WDR72: variants seen among roughly 807,000 people sequenced by gnomAD.
WDR72 encodes WD repeat domain 72, also known as WD repeat-containing protein 72.
A neutral mutation model predicts 124.2 loss-of-function variants in WDR72; 120 were observed. That is an observed-to-expected ratio of 0.97 (90% CI 0.83 to 1.12). The LOEUF (loss-of-function observed/expected upper bound fraction) is 1.12, where lower values mean the gene tolerates loss of function less well. WDR72 is among the 50% of genes most tolerant of loss of function. WDR72 has a pLI of 0.00. For missense variants in WDR72, 1,387 were observed against 1,278.8 expected, an observed-to-expected ratio of 1.08 and a Z score of -1.29; for synonymous variants, 452 against 441.7, an observed-to-expected ratio of 1.02 and a Z score of -0.29.
At position 53,697,969 on chromosome 15, in the gene WDR72, C is replaced by T. The variant is rs1338076043; in HGVS notation, c.1765+1781G>A. Among the ~76,000 whole-genome samples the T allele has an allele frequency of 7.2e-5, 11 of 152,064 alleles. No homozygotes were observed. In the East Asian group the frequency reaches 1.7e-3, roughly 24 times the overall value. On this transcript the variant is annotated intron_variant, in intron 13 of 19. Coordinates refer to ENST00000360509, the MANE Select transcript of WDR72 (RefSeq NM_182758.4). ...GACTACAGGTGCCCGCCACCATGCCCGGCTAATTTTTTTATATTTTTAGTA... is the reference window on the plus strand; with the variant it reads ...GACTACAGGTGCCCGCCACCATGCCTGGCTAATTTTTTTATATTTTTAGTA...
chr15:53,635,691 G>A (rs1220923171), intron 14 of WDR72, among the ~76,000 whole-genome samples: 2 of 152,108 alleles, frequency 1.3e-5, no homozygotes, highest in Non-Finnish European at 2.9e-5. Context: ...GACTACTGGG[G>A]GGGATGGAGG....
intron 1 of WDR72, among the ~76,000 whole-genome samples, chr15:53,736,741 C>G (rs888840300): frequency 4.6e-5 from 7 of 151,992 alleles, no homozygotes; most frequent in South Asian, 2.1e-4. Context: ...AGGCAGTGGA[C>G]AGGTCCACAA....
chr15:53,608,793 T>C (rs535758231), intron 17 of WDR72, among the ~76,000 whole-genome samples: 2 of 151,342 alleles, frequency 1.3e-5, no homozygotes, highest in South Asian at 4.2e-4. Context: ...AATATAAAAA[T>C]AAAAACAATT....
chr15:53,583,045 T>C (rs745999518), intron 18 of WDR72, among the ~76,000 whole-genome samples: 1 of 151,924 alleles, frequency 6.6e-6, no homozygotes, highest in Non-Finnish European at 1.5e-5. Flanking sequence ...GTAAATTCCA[T>C]CCTCTACATA....
intron 18 of WDR72, among the ~76,000 whole-genome samples, chr15:53,564,926 G>A (rs902547744): frequency 1.3e-5 from 2 of 151,836 alleles, no homozygotes; most frequent in African/African-American, 4.8e-5. Flanking sequence ...ATTCAGTGCT[G>A]AGCTCTGATA....
upstream of WDR72, among the ~76,000 whole-genome samples, chr15:53,761,640 A>G (rs1465090585): frequency 1.3e-5 from 2 of 152,080 alleles, no homozygotes; most frequent in Non-Finnish European, 2.9e-5. Context: ...AGCCTGGACA[A>G]TAGGAGGAGA....
chr15:53,563,329 A>G (rs1474541096), intron 18 of WDR72, among the ~76,000 whole-genome samples: 1 of 151,834 alleles, frequency 6.6e-6, no homozygotes, highest in Admixed American at 6.6e-5. Context: ...CTCTACCTGG[A>G]CTGAGTAAAA....
intron 13 of WDR72, among the ~76,000 whole-genome samples, chr15:53,683,062 T>C (rs1295273566): frequency 6.6e-6 from 1 of 152,054 alleles, no homozygotes; most frequent in Non-Finnish European, 1.5e-5. Context: ...CAAATACTTT[T>C]AAAACCATTA....
At chr15:53,744,840 T>A (rs1261079488) in intron 1 of WDR72, among the ~76,000 whole-genome samples, 1 of 152,198 alleles carries the variant, frequency 6.6e-6, no homozygotes, top group African/African-American at 2.4e-5. Flanking sequence ...GGAAAGGTGG[T>A]GTGACCTTCC....
chr15:53,711,086 T>C, intron 8 of WDR72, 133 bp from the exon 9 acceptor site: 1 of 922,710 alleles, frequency 1.1e-6, no homozygotes, highest in Non-Finnish European at 1.7e-6. Context: ...GTTGGGTTAA[T>C]AATTACAAGT....
chr15:53,667,832 A>ACGT (rs2140454816), intron 13 of WDR72, among the ~76,000 whole-genome samples: 1 of 152,330 alleles, frequency 6.6e-6, no homozygotes, highest in South Asian at 2.1e-4. Flanking sequence ...TTATATATGC[A>ACGT]CGTTTTATTG....
intron 18 of WDR72, among the ~76,000 whole-genome samples, chr15:53,535,262 C>T (rs1267588982): frequency 6.6e-6 from 1 of 152,048 alleles, no homozygotes; most frequent in Non-Finnish European, 1.5e-5. Context: ...AAATCCTTTC[C>T]AGGGCACCGT....
At chr15:53,615,147 A>G (rs2140366611) in intron 15 of WDR72, among the ~76,000 whole-genome samples, 1 of 152,118 alleles carries the variant, frequency 6.6e-6, no homozygotes, top group East Asian at 1.9e-4. Context: ...AACTCATTCA[A>G]CATCCCACAC....
chr15:53,522,613 C>G (rs528159189), intron 19 of WDR72, among the ~76,000 whole-genome samples: 68 of 152,100 alleles, frequency 4.5e-4, no homozygotes, highest in Non-Finnish European at 8.4e-4. Flanking sequence ...TAGCTGTATC[C>G]TTCTAGTACA....
At chr15:53,530,967 G>A (rs1264651707) in intron 18 of WDR72, among the ~76,000 whole-genome samples, 1 of 152,062 alleles carries the variant, frequency 6.6e-6, no homozygotes, top group African/African-American at 2.4e-5. Flanking sequence ...CCAGCTGACA[G>A]CCATCTCTAT....
At chr15:53,754,717 T>C (rs1017317309) in intron 1 of WDR72, among the ~76,000 whole-genome samples, 4 of 152,140 alleles carry the variant, frequency 2.6e-5, no homozygotes, top group Non-Finnish European at 4.4e-5. Flanking sequence ...GAAACACTTA[T>C]TTCATTCCAC....
intron 13 of WDR72, among the ~76,000 whole-genome samples, chr15:53,683,375 C>G (rs919952038): frequency 1.3e-5 from 2 of 152,056 alleles, no homozygotes; most frequent in Admixed American, 1.3e-4. Flanking sequence ...GATAAATACT[C>G]AAGGTGATGG....
intron 14 of WDR72, among the ~76,000 whole-genome samples, chr15:53,642,978 G>A (rs2014908695): frequency 6.6e-6 from 1 of 151,890 alleles, no homozygotes; most frequent in Non-Finnish European, 1.5e-5. Flanking sequence ...GTCCTATATT[G>A]GTTTACCTCT....
intron 3 of WDR72, among the ~76,000 whole-genome samples, chr15:53,717,627 G>C (rs1474616230): frequency 6.6e-6 from 1 of 152,030 alleles, no homozygotes; most frequent in East Asian, 1.9e-4. Context: ...GTAATATTTG[G>C]AGATATTTTT....
Sources: gnomAD v4.1 joint callset for allele counts (sites outside exome capture counted in the v4.1 genomes callset) on GRCh38, gnomAD v4.1.1 for gene constraint, MANE v1.5 for transcripts, NCBI Gene and HGNC (gene_info 2026-07-23, HGNC 2026-07-21) for gene names.